BMPR1B: variants seen among roughly 807,000 people sequenced by gnomAD.
The protein encoded by BMPR1B is bone morphogenetic protein receptor type-1B.
Under a neutral mutation model 59.1 loss-of-function variants are expected in BMPR1B, and 12 were observed. The observed-to-expected ratio is 0.20, with a 90% confidence interval of 0.13 to 0.33. The LOEUF (loss-of-function observed/expected upper bound fraction) is 0.33. BMPR1B is among the 10% of genes least tolerant of loss of function. The pLI is 1.00. For missense variants in BMPR1B, 550 were observed against 610.9 expected (o/e 0.90, Z 1.05); for synonymous variants, 237 against 207.3 (o/e 1.14, Z -1.23).
chr4:94,790,585 G>A (rs1722943951), intron 1 of BMPR1B, among the ~76,000 whole-genome samples: 1 of 152,150 alleles, frequency 6.6e-6, no homozygotes, highest in Admixed American at 6.5e-5. Context: ...AAGTAGATGT[G>A]TTGCAATCTA....
chr4:95,088,921 T>TA (rs1392944986), intron 3 of BMPR1B, among the ~76,000 whole-genome samples: 1 of 152,146 alleles, frequency 6.6e-6, no homozygotes, highest in Admixed American at 6.6e-5. Context: ...ATTCTGTAGG[T>TA]AAATACAGGG....
intron 1 of BMPR1B, among the ~76,000 whole-genome samples, chr4:94,770,470 A>G (rs1722146236): frequency 6.6e-6 from 1 of 152,052 alleles, no homozygotes; most frequent in Non-Finnish European, 1.5e-5. Flanking sequence ...GTAACCCTAT[A>G]GTTTTCCAGT....
intron 3 of BMPR1B, among the ~76,000 whole-genome samples, chr4:95,013,171 AAT>A (rs1723342187): frequency 6.6e-6 from 1 of 152,116 alleles, no homozygotes; most frequent in African/African-American, 2.4e-5. Flanking sequence ...AGATTTAGTA[AAT>A]ATGACTTTCA....
At chr4:95,056,377 A>T (rs919126357) in intron 3 of BMPR1B, among the ~76,000 whole-genome samples, 1 of 152,182 alleles carries the variant, frequency 6.6e-6, no homozygotes, top group Non-Finnish European at 1.5e-5. Flanking sequence ...ACTCTGCTTG[A>T]TACTATCTCT....
At chr4:95,133,859 C>T (rs776248645) in intron 10 of BMPR1B, among the ~76,000 whole-genome samples, 2 of 149,242 alleles carry the variant, frequency 1.3e-5, no homozygotes, top group South Asian at 4.3e-4. Context: ...CATGAGCCAC[C>T]ATGCCTGGCC....
At chr4:94,994,312 G>T (rs918959219) in intron 2 of BMPR1B, among the ~76,000 whole-genome samples, 1 of 152,168 alleles carries the variant, frequency 6.6e-6, no homozygotes, top group Admixed American at 6.5e-5. Flanking sequence ...TCTATTTGAA[G>T]TTCTAAGTAT....
At chr4:94,915,934 A>C (rs1430528793) in intron 2 of BMPR1B, among the ~76,000 whole-genome samples, 2 of 152,078 alleles carry the variant, frequency 1.3e-5, no homozygotes, top group African/African-American at 4.8e-5. Flanking sequence ...CTGGTCATTT[A>C]AAAGTGTGTG....
chr4:94,758,833 C>T (rs934097958), intron 1 of BMPR1B, among the ~76,000 whole-genome samples: 5 of 152,088 alleles, frequency 3.3e-5, no homozygotes, highest in Non-Finnish European at 7.4e-5. Flanking sequence ...GCGTCTGTCT[C>T]CCTCTCCCCA....
intron 3 of BMPR1B, among the ~76,000 whole-genome samples, chr4:95,045,208 A>G (rs959523222): frequency 1.3e-5 from 2 of 152,232 alleles, no homozygotes; most frequent in African/African-American, 4.8e-5. Context: ...TCTCATTAAG[A>G]ATAACAAATA....
chr4:94,760,999 T>G (rs1214567061), intron 1 of BMPR1B, among the ~76,000 whole-genome samples: 1 of 151,830 alleles, frequency 6.6e-6, no homozygotes, highest in Non-Finnish European at 1.5e-5. Flanking sequence ...GCCCAGAGAG[T>G]TTGAAAAACC....
At chr4:94,976,531 C>T (rs1731040274) in intron 2 of BMPR1B, among the ~76,000 whole-genome samples, 1 of 152,290 alleles carries the variant, frequency 6.6e-6, no homozygotes, top group Non-Finnish European at 1.5e-5. Context: ...CCTCAAACCC[C>T]CCATGTCTTA....
chr4:95,066,887 G>A (rs1560628677), intron 3 of BMPR1B, among the ~76,000 whole-genome samples: 1 of 152,126 alleles, frequency 6.6e-6, no homozygotes, highest in Non-Finnish European at 1.5e-5. Context: ...TGAATAACAG[G>A]CAATGGAAAT....
intron 3 of BMPR1B, among the ~76,000 whole-genome samples, chr4:95,027,141 A>G (rs11736371): frequency 0.034 from 5,191 of 152,228 alleles, 128 homozygotes; most frequent in Middle Eastern, 0.068. Context: ...CCACTTAAAA[A>G]TAAATAGTAC....
At chr4:94,926,459 T>A (rs1160604339) in intron 2 of BMPR1B, among the ~76,000 whole-genome samples, 5 of 152,102 alleles carry the variant, frequency 3.3e-5, no homozygotes, top group Admixed American at 3.3e-4. Context: ...CAATTTTTAT[T>A]TAAGGCCAAG....
chr4:94,920,800 T>A (rs1242365616), intron 2 of BMPR1B, among the ~76,000 whole-genome samples: 1 of 152,206 alleles, frequency 6.6e-6, no homozygotes, highest in Non-Finnish European at 1.5e-5. Context: ...CATAATTAAT[T>A]TGAGTGCTCA....
intron 6 of BMPR1B, among the ~76,000 whole-genome samples, chr4:95,117,123 A>G (rs1234081780): frequency 1.3e-5 from 2 of 152,174 alleles, no homozygotes; most frequent in Admixed American, 1.3e-4. Context: ...TGATACTTGA[A>G]CAAGACTTTA....
chr4:94,985,525 G>GTGTGTGTGTT (rs1721345921), intron 2 of BMPR1B, among the ~76,000 whole-genome samples: 1 of 133,714 alleles, frequency 7.5e-6, no homozygotes, highest in Non-Finnish European at 1.7e-5. Flanking sequence ...GTGTGTGTGT[G>GTGTGTGTGTT]TGTGTGTGTG....
chr4:94,952,724 G>C (rs1729995791), intron 2 of BMPR1B, among the ~76,000 whole-genome samples: 1 of 151,990 alleles, frequency 6.6e-6, no homozygotes, highest in Admixed American at 6.6e-5. Flanking sequence ...TGCTGAGAAG[G>C]GTGTATATTC....
At chr4:94,785,717 A>G (rs1441511307) in intron 1 of BMPR1B, among the ~76,000 whole-genome samples, 2 of 152,148 alleles carry the variant, frequency 1.3e-5, no homozygotes, top group Non-Finnish European at 2.9e-5. Context: ...ATTAACCCCA[A>G]GATATAAGAG....
Sources: allele counts gnomAD v4.1 joint callset (sites outside exome capture counted in the v4.1 genomes callset), GRCh38; gene constraint gnomAD v4.1.1; transcripts MANE v1.5; gene names NCBI Gene and HGNC (gene_info 2026-07-23, HGNC 2026-07-21).